TAFA2: variants seen among roughly 807,000 people sequenced by gnomAD.
The protein encoded by TAFA2 is TAFA chemokine like family member 2, also known as chemokine-like protein TAFA-2.
Under a neutral mutation model 18.8 loss-of-function variants are expected in TAFA2, and 7 were observed. That is an observed-to-expected ratio of 0.37 (90% CI 0.21 to 0.70). TAFA2 has a LOEUF of 0.70. Among genes scored for constraint, TAFA2 ranks in the 30% least tolerant of loss-of-function variants. The pLI is 0.53. For missense variants in TAFA2, 122 were observed against 158.1 expected, an observed-to-expected ratio of 0.77 and a Z score of 1.23; for synonymous variants, 60 against 54.2, an observed-to-expected ratio of 1.11 and a Z score of -0.47.
chr12:62,105,856 C>T (rs1232163491), intron 1 of TAFA2, among the ~76,000 whole-genome samples: 2 of 152,144 alleles, frequency 1.3e-5, no homozygotes, highest in Admixed American at 6.6e-5. Context: ...CTGATGAGAC[C>T]TTTCTTTAGA....
intron 2 of TAFA2, among the ~76,000 whole-genome samples, chr12:61,777,427 T>C (rs1255722474): frequency 6.6e-6 from 1 of 151,892 alleles, no homozygotes; most frequent in Non-Finnish European, 1.5e-5. Flanking sequence ...ATCATTATTA[T>C]AAATTCAGGG....
chr12:61,717,373 T>C (rs1869707657), intron 4 of TAFA2, among the ~76,000 whole-genome samples: 1 of 152,198 alleles, frequency 6.6e-6, no homozygotes, highest in African/African-American at 2.4e-5. Flanking sequence ...TTTATAAATA[T>C]ACTCATCTAT....
At chr12:61,956,188 T>C (rs1431160104) in intron 1 of TAFA2, among the ~76,000 whole-genome samples, 1 of 152,148 alleles carries the variant, frequency 6.6e-6, no homozygotes, top group East Asian at 1.9e-4. Context: ...TCTATTTTAG[T>C]GGATTCTTTG....
intron 1 of TAFA2, among the ~76,000 whole-genome samples, chr12:62,225,805 A>C (rs1260060896): frequency 6.6e-6 from 1 of 152,254 alleles, no homozygotes; most frequent in Non-Finnish European, 1.5e-5. Context: ...GACAAGGATC[A>C]GAAAGTTTAA....
chr12:61,835,257 T>C (rs926242099), intron 2 of TAFA2, among the ~76,000 whole-genome samples: 12 of 152,076 alleles, frequency 7.9e-5, no homozygotes, highest in African/African-American at 2.9e-4. Context: ...TAAATAACGA[T>C]ACTCACTTTC....
chr12:61,755,555 C>T (rs1869226097), intron 2 of TAFA2, among the ~76,000 whole-genome samples: 1 of 152,048 alleles, frequency 6.6e-6, no homozygotes, highest in Non-Finnish European at 1.5e-5. Flanking sequence ...ATGAACAAAT[C>T]CAGTGATTCT....
At chr12:62,092,489 T>C (rs556707655) in intron 1 of TAFA2, among the ~76,000 whole-genome samples, 32 of 152,066 alleles carry the variant, frequency 2.1e-4, no homozygotes, top group Non-Finnish European at 3.1e-4. Context: ...AGTCAGTTCT[T>C]AGCCTTCATA....
chr12:61,842,368 TG>T (rs1873222569), intron 2 of TAFA2, among the ~76,000 whole-genome samples: 1 of 152,082 alleles, frequency 6.6e-6, no homozygotes, highest in East Asian at 1.9e-4. Flanking sequence ...CAGATCAGCA[TG>T]TTTTTTTATT....
exon 1 of TAFA2, chr12:62,258,822 T>C: frequency 3.1e-6 from 1 of 320,724 alleles, no homozygotes; most frequent in Non-Finnish European, 6.4e-6. Flanking sequence ...GAAAATTACT[T>C]TGTTCTCTTT....
chr12:61,832,375 T>A (rs1278720542), intron 2 of TAFA2, among the ~76,000 whole-genome samples: 1 of 152,048 alleles, frequency 6.6e-6, no homozygotes, highest in Non-Finnish European at 1.5e-5. Context: ...GCAGGTGCCC[T>A]GGTCCATACT....
chr12:61,951,759 C>T (rs535393785), intron 1 of TAFA2, among the ~76,000 whole-genome samples: 47 of 152,114 alleles, frequency 3.1e-4, no homozygotes, highest in South Asian at 6.2e-4. Context: ...GTACACAAAG[C>T]TAACAATGTG....
intron 1 of TAFA2, among the ~76,000 whole-genome samples, chr12:62,103,233 C>T (rs1869287732): frequency 6.6e-6 from 1 of 152,238 alleles, no homozygotes. Context: ...TTCCCCAGAA[C>T]TTCTGGCATT....
At chr12:61,810,716 T>C (rs1394813215) in intron 2 of TAFA2, among the ~76,000 whole-genome samples, 4 of 151,236 alleles carry the variant, frequency 2.6e-5, no homozygotes, top group African/African-American at 4.9e-5. Flanking sequence ...GCCAGTAGAA[T>C]AAAGGTAAAA....
At chr12:62,219,167 A>C (rs1171136499) in intron 1 of TAFA2, among the ~76,000 whole-genome samples, 1 of 152,132 alleles carries the variant, frequency 6.6e-6, no homozygotes, top group Non-Finnish European at 1.5e-5. Flanking sequence ...ATGAATAAAA[A>C]TATGCTCCAG....
intron 1 of TAFA2, among the ~76,000 whole-genome samples, chr12:62,045,619 G>T (rs566063449): frequency 6.6e-6 from 1 of 152,146 alleles, no homozygotes; most frequent in Admixed American, 6.5e-5. Context: ...ACAAACTTTT[G>T]CTATGTCTTC....
At chr12:61,907,017 A>G (rs1876386001) in intron 1 of TAFA2, among the ~76,000 whole-genome samples, 1 of 152,206 alleles carries the variant, frequency 6.6e-6, no homozygotes, top group African/African-American at 2.4e-5. Context: ...CATGGTTTGG[A>G]ATTGGCACTT....
chr12:62,110,150 C>A (rs1869656989), intron 1 of TAFA2, among the ~76,000 whole-genome samples: 1 of 152,078 alleles, frequency 6.6e-6, no homozygotes, highest in African/African-American at 2.4e-5. Context: ...CAGATGTGTT[C>A]CATCTATACC....
At chr12:61,919,630 A>G (rs1375962180) in intron 1 of TAFA2, among the ~76,000 whole-genome samples, 2 of 151,926 alleles carry the variant, frequency 1.3e-5, no homozygotes, top group Non-Finnish European at 2.9e-5. Context: ...CTTCCTGATC[A>G]TTGTATTTTA....
At chr12:61,807,257 A>G (rs1871658767) in intron 2 of TAFA2, among the ~76,000 whole-genome samples, 1 of 151,336 alleles carries the variant, frequency 6.6e-6, no homozygotes, top group African/African-American at 2.5e-5. Context: ...AAATGCGCCA[A>G]TGTAAAGCTC....
Sources: gnomAD v4.1 joint callset for allele counts (sites outside exome capture counted in the v4.1 genomes callset) on GRCh38, gnomAD v4.1.1 for gene constraint, MANE v1.5 for transcripts, NCBI Gene and HGNC (gene_info 2026-07-23, HGNC 2026-07-21) for gene names.